RGS22: variants seen among roughly 807,000 people sequenced by gnomAD.
The protein encoded by RGS22 is regulator of G protein signaling 22, also known as regulator of G-protein signaling 22.
A neutral mutation model predicts 172.9 loss-of-function variants in RGS22; 148 were observed. That is an observed-to-expected ratio of 0.86 (90% CI 0.75 to 0.98). RGS22 has a LOEUF of 0.98. Ranked by LOEUF, RGS22 falls within the 50% of genes least tolerant of loss-of-function variation. The pLI, the probability that RGS22 is intolerant of heterozygous loss-of-function variation, is 0.00. For synonymous variants in RGS22, 458 were observed against 480.2 expected, an observed-to-expected ratio of 0.95 and a Z score of 0.60; for missense variants, 1,347 against 1,440.8, an observed-to-expected ratio of 0.93 and a Z score of 1.05.
At chr8:99,981,377 C>T (rs1175185786) in intron 22 of RGS22, among the ~76,000 whole-genome samples, 3 of 152,030 alleles carry the variant, frequency 2.0e-5, no homozygotes, top group African/African-American at 7.3e-5. Flanking sequence ...ATACACAAAT[C>T]TTGGGACACA....
chr8:100,027,786 T>C (rs1032140269), intron 14 of RGS22, among the ~76,000 whole-genome samples: 3 of 152,128 alleles, frequency 2.0e-5, no homozygotes, highest in African/African-American at 4.8e-5. Context: ...CCTGGCCTAA[T>C]GTAGTATATT....
intron 16 of RGS22, among the ~76,000 whole-genome samples, chr8:100,005,650 AAATTT>A (rs1353149356): frequency 1.3e-5 from 2 of 152,162 alleles, no homozygotes; most frequent in Admixed American, 6.6e-5. Context: ...TCTGTTTAGA[AAATTT>A]AATTTAACTG....
At chr8:100,046,775 A>G (rs1820766421) in intron 11 of RGS22, among the ~76,000 whole-genome samples, 1 of 151,754 alleles carries the variant, frequency 6.6e-6, no homozygotes, top group South Asian at 2.1e-4. Context: ...GGCTTTGCTT[A>G]CGAGAGTCAA....
chr8:100,078,047 C>T (rs1487377132), intron 4 of RGS22, among the ~76,000 whole-genome samples: 1 of 152,068 alleles, frequency 6.6e-6, no homozygotes, highest in Non-Finnish European at 1.5e-5. Flanking sequence ...CTCCAGCTTT[C>T]CTTTAATTCA....
At chr8:99,999,059 T>C (rs1373913080) in intron 19 of RGS22, among the ~76,000 whole-genome samples, 1 of 151,426 alleles carries the variant, frequency 6.6e-6, no homozygotes, top group African/African-American at 2.4e-5. Context: ...CTTGGGAGGC[T>C]GAGGTGGGAG....
chr8:99,985,663 C>A (rs1813018769), intron 21 of RGS22, among the ~76,000 whole-genome samples: 1 of 152,176 alleles, frequency 6.6e-6, no homozygotes, highest in Non-Finnish European at 1.5e-5. Flanking sequence ...CAAATTTACT[C>A]CTATAGCATG....
chr8:100,058,968 C>T (rs550864864), intron 9 of RGS22, among the ~76,000 whole-genome samples: 19 of 152,132 alleles, frequency 1.2e-4, no homozygotes, highest in South Asian at 1.0e-3. Context: ...ATAGACAGTA[C>T]GGTAAGATAT....
In RGS22 at chr8:100,080,304, C is replaced by T. The variant is rs2131899738; in HGVS notation, c.169G>A (p.Ala57Thr). The change falls in exon 4 of 28, where the codon GCT (alanine) becomes ACT (threonine). Residue 57 changes from alanine (A) to threonine (T), a missense_variant. Transcript: ENST00000360863. ...FNADYGVFEVANDAPQFLEKQ... is the reference protein window; with the variant it reads ...FNADYGVFEVTNDAPQFLEKQ... ...TCCAGAAATTGTGGAGCATCATTAG[C>T]TACTTCAAAAACTCCATAATCTGCA... 1 of 1,613,608 alleles carries T rather than the reference C, an allele frequency of 6.2e-7. No individual in the cohort carries two copies.
At chr8:100,040,709 T>G (rs536677452) in intron 12 of RGS22, among the ~76,000 whole-genome samples, 41 of 152,280 alleles carry the variant, frequency 2.7e-4, no homozygotes, top group African/African-American at 9.6e-4. Context: ...AGCACAGGAG[T>G]GACTTCAGAA....
intron 14 of RGS22, among the ~76,000 whole-genome samples, chr8:100,034,479 T>C (rs1241886178): frequency 1.3e-5 from 2 of 152,156 alleles, no homozygotes; most frequent in Non-Finnish European, 2.9e-5. Flanking sequence ...CACAAACAAA[T>C]GGAAAAACAT....
intron 10 of RGS22, among the ~76,000 whole-genome samples, chr8:100,052,458 T>G (rs1821767120): frequency 6.6e-6 from 1 of 151,298 alleles, no homozygotes; most frequent in Non-Finnish European, 1.5e-5. Flanking sequence ...CCCGCCACCA[T>G]GCCCTGCTAA....
chr8:100,083,912 C>T (rs1490908995), intron 3 of RGS22, among the ~76,000 whole-genome samples: 1 of 147,652 alleles, frequency 6.8e-6, no homozygotes, highest in Admixed American at 6.8e-5. Flanking sequence ...TGCAGTGGCG[C>T]GATCTTGGCT....
intron 3 of RGS22, among the ~76,000 whole-genome samples, chr8:100,084,877 A>T (rs1397191696): frequency 6.6e-6 from 1 of 152,238 alleles, no homozygotes; most frequent in Non-Finnish European, 1.5e-5. Context: ...ATAAAGAGTA[A>T]ACAAAATACC....
chr8:100,045,227 T>G (rs939642506), intron 11 of RGS22, among the ~76,000 whole-genome samples: 5 of 151,220 alleles, frequency 3.3e-5, no homozygotes, highest in African/African-American at 1.2e-4. Flanking sequence ...GCCATAGCAC[T>G]CCAGTCTGGG....
intron 14 of RGS22, among the ~76,000 whole-genome samples, chr8:100,012,978 A>ATTTTTTTTTTTT (rs35339430): frequency 1.1e-5 from 1 of 88,744 alleles, no homozygotes; most frequent in East Asian, 3.4e-4. Context: ...AACGCCTTTG[A>ATTTTTTTTTTTT]TTTTTTTTTT....
intron 2 of RGS22, 123 bp from the exon 3 acceptor site, chr8:100,093,632 C>T (rs1812754593): frequency 6.2e-6 from 4 of 640,546 alleles, no homozygotes; most frequent in Non-Finnish European, 1.1e-5. Flanking sequence ...TTTAGTCAGT[C>T]AACAGTGAAC....
chr8:100,035,053 A>G (rs1051520838), intron 14 of RGS22, among the ~76,000 whole-genome samples: 3 of 152,230 alleles, frequency 2.0e-5, no homozygotes, highest in Non-Finnish European at 2.9e-5. Flanking sequence ...ATGGGCAAGG[A>G]CTTCATGTCT....
At chr8:99,979,837 AG>A (rs1171664234) in intron 22 of RGS22, among the ~76,000 whole-genome samples, 2 of 152,232 alleles carry the variant, frequency 1.3e-5, no homozygotes, top group African/African-American at 4.8e-5. Flanking sequence ...AAGAGGTTAC[AG>A]TCTAATGGGA....
chr8:100,008,631 C>A (rs1816013808), intron 14 of RGS22, 62 bp from the exon 15 acceptor site: 14 of 1,284,574 alleles, frequency 1.1e-5, no homozygotes, highest in Non-Finnish European at 1.5e-5. Context: ...TTAGCAGACA[C>A]CTCAACATAG....
Sources: allele counts gnomAD v4.1 joint callset (sites outside exome capture counted in the v4.1 genomes callset), GRCh38; gene constraint gnomAD v4.1.1; transcripts MANE v1.5; gene names NCBI Gene and HGNC (gene_info 2026-07-23, HGNC 2026-07-21).